OTOGL: variants seen among roughly 807,000 people sequenced by gnomAD.
OTOGL encodes otogelin-like protein.
Under a neutral mutation model 318.5 loss-of-function variants are expected in OTOGL, and 285 were observed. The ratio of observed to expected loss-of-function variants is 0.89; its 90% CI spans 0.81 to 0.99. The LOEUF (loss-of-function observed/expected upper bound fraction) is 0.99. Ranked by LOEUF, OTOGL falls within the 50% of genes least tolerant of loss-of-function variation. The pLI is 0.00. For missense variants in OTOGL, 2,899 were observed against 2,845.6 expected (o/e 1.02, Z -0.43); for synonymous variants, 987 against 936.5 (o/e 1.05, Z -0.99).
At position 80,328,762 on chromosome 12, in the gene OTOGL, T is replaced by C. The variant is rs1298453660; in HGVS notation, c.4279+18T>C. The C allele has an allele frequency of 9.0e-6, 14 of 1,563,734 alleles. No individual in the cohort carries two copies. Among genetic ancestry groups the C allele is most frequent in the African/African-American group, 1.4e-5 (1 of 73,664 alleles). ...ACGAGACTGTAAGTGTGAACGTTGC[T>C]TAATTTACTCTGAAAAATTATACGC... On this transcript the variant is annotated intron_variant, in intron 36 of 58. Coordinates refer to ENST00000547103, the MANE Select transcript of OTOGL (RefSeq NM_001378609.3).
intron 1 of OTOGL, among the ~76,000 whole-genome samples, chr12:80,165,569 A>C (rs867844433): frequency 6.6e-6 from 1 of 152,216 alleles, no homozygotes. Flanking sequence ...AAAAGGATCA[A>C]CTGAGCTCTG....
chr12:80,263,428 A>G (rs999325634), intron 19 of OTOGL, among the ~76,000 whole-genome samples: 22 of 152,044 alleles, frequency 1.4e-4, no homozygotes, highest in African/African-American at 5.1e-4. Flanking sequence ...TACCTCCTTT[A>G]TTATATGCTA....
chr12:80,307,447 C>T (rs1258641230), intron 29 of OTOGL, among the ~76,000 whole-genome samples: 3 of 147,722 alleles, frequency 2.0e-5, no homozygotes, highest in African/African-American at 5.1e-5. Context: ...CTGACCCCCC[C>T]CACCTCCCTC....
At chr12:80,238,619 G>A (rs955256617) in intron 9 of OTOGL, among the ~76,000 whole-genome samples, 1 of 152,094 alleles carries the variant, frequency 6.6e-6, no homozygotes, top group Admixed American at 6.6e-5. Context: ...TTTGAATGCA[G>A]TTTGCTTTTT....
rs563059576 is a variant in OTOGL, at chr12:80,323,618, G to A, written c.4082-105G>A. ...GAATCGAAATAGTGCCACTGCGCTCGAGCCTGAGTGACAGAGCGAGACTGT... is the reference window on the plus strand; with the variant it reads ...GAATCGAAATAGTGCCACTGCGCTCAAGCCTGAGTGACAGAGCGAGACTGT... On this transcript the variant is annotated intron_variant, in intron 34 of 58. Coordinates refer to ENST00000547103, the MANE Select transcript of OTOGL (RefSeq NM_001378609.3). 309 of 858,932 alleles carry A rather than the reference G, an allele frequency of 3.6e-4. 3 individuals are homozygous for A. The South Asian group carries it at 4.6e-3, about 13-fold the overall frequency. The allele number at this position is 858,932 out of a possible 1,614,324, so 53.2% of individuals were successfully genotyped here.
intron 5 of OTOGL, 104 bp from the exon 6 acceptor site, chr12:80,219,709 TA>T: frequency 1.3e-6 from 1 of 751,070 alleles, no homozygotes; most frequent in South Asian, 1.6e-5. Flanking sequence ...GAGTTCTGTT[TA>T]AGTTAATAGT....
At chr12:80,266,652 T>C in intron 21 of OTOGL, 36 bp downstream of exon 21, 1 of 1,577,832 alleles carries the variant, frequency 6.3e-7, no homozygotes, top group Non-Finnish European at 8.7e-7. Context: ...CATCCTGTTT[T>C]AATCTCTTTT....
chr12:80,232,169 T>A (rs2137401321), intron 8 of OTOGL, among the ~76,000 whole-genome samples: 1 of 152,316 alleles, frequency 6.6e-6, no homozygotes, highest in South Asian at 2.1e-4. Context: ...ATCAGGAGCT[T>A]AAATATTTTA....
chr12:80,130,490 G>C (rs1290507536), intron 1 of OTOGL, among the ~76,000 whole-genome samples: 2 of 152,222 alleles, frequency 1.3e-5, no homozygotes, highest in Non-Finnish European at 1.5e-5. Context: ...AAACCAGAAA[G>C]AGCAGGCCAG....
At chr12:80,285,538 G>T (rs538362820) in intron 26 of OTOGL, among the ~76,000 whole-genome samples, 49 of 152,088 alleles carry the variant, frequency 3.2e-4, no homozygotes, top group Non-Finnish European at 1.8e-4. Flanking sequence ...ATTTGCTTGT[G>T]TCCTCTCTTA....
chr12:80,127,860 G>A (rs139798902), intron 1 of OTOGL, among the ~76,000 whole-genome samples: 63 of 152,244 alleles, frequency 4.1e-4, no homozygotes, highest in African/African-American at 1.4e-3. Context: ...CATGCATCAC[G>A]TAGTTCTCGT....
Position 80,341,838 on chromosome 12 carries a change from C to T in OTOGL, c.5051-110C>T, listed in dbSNP as rs539873637. ...GTTCAAGGATACATAAACTTGGTAC[C>T]TTATATGGTAAATCATTTGTTCATT... On this transcript the variant is annotated intron_variant, in intron 43 of 58. Coordinates refer to ENST00000547103, the MANE Select transcript of OTOGL (RefSeq NM_001378609.3). 273 of 747,818 alleles carry T rather than the reference C, an allele frequency of 3.7e-4. No homozygotes were observed. The South Asian group carries it at 5.1e-3, about 14-fold the overall frequency. The allele number at this position is 747,818 out of a possible 1,614,324, so 46.3% of individuals were successfully genotyped here.
At chr12:80,125,337 C>T (rs531983387) in intron 1 of OTOGL, among the ~76,000 whole-genome samples, 9 of 152,232 alleles carry the variant, frequency 5.9e-5, no homozygotes, top group African/African-American at 9.6e-5. Flanking sequence ...TGCTGGATTA[C>T]GTTTATTGAT....
chr12:80,363,380 C>A (rs2138058805), intron 52 of OTOGL, among the ~76,000 whole-genome samples: 1 of 152,154 alleles, frequency 6.6e-6, no homozygotes, highest in East Asian at 1.9e-4. Context: ...AGGATATGAG[C>A]ACTAAAACAT....
In OTOGL at chr12:80,108,872, GTATATATGTGTA is replaced by G. The variant is rs1387522915; in HGVS notation, c.-20+9311_-20+9322del. Reference sequence around the variant, plus strand: ...TGTATATATATGTGTATATATATGTGTATATATGTGTATATATATGTGTATATATATGTGTAT... The same window carrying G: ...TGTATATATATGTGTATATATATGTGTATATATGTGTATATATATGTGTAT... On this transcript the variant is annotated intron_variant, in intron 1 of 58. Coordinates refer to ENST00000547103, the MANE Select transcript of OTOGL (RefSeq NM_001378609.3). Among the ~76,000 whole-genome samples, 449 of 135,162 alleles carry G rather than the reference GTATATATGTGTA, an allele frequency of 3.3e-3. 2 individuals are homozygous for G. Among genetic ancestry groups the G allele is most frequent in the East Asian group, 0.018 (86 of 4,838 alleles). The allele number at this position is 135,162 out of a possible 152,430, so 88.7% of individuals were successfully genotyped here. A position where few individuals can be genotyped will look rare whatever the true frequency, so the allele number is the denominator to read the frequency against.
intron 26 of OTOGL, among the ~76,000 whole-genome samples, chr12:80,284,236 CGATGGTGTAT>C (rs1203334976): frequency 6.6e-6 from 1 of 152,070 alleles, no homozygotes; most frequent in Admixed American, 6.6e-5. Context: ...ACATAGTATC[CGATGGTGTAT>C]ATGTGCCACA....
chr12:80,368,151 T>A, intron 54 of OTOGL, 54 bp from the exon 55 acceptor site: 2 of 1,276,234 alleles, frequency 1.6e-6, no homozygotes, highest in Non-Finnish European at 2.2e-6. Context: ...TCTCCAGAAG[T>A]AATTCATTAA....
At chr12:80,198,510 G>A (rs1243180743) in intron 1 of OTOGL, among the ~76,000 whole-genome samples, 2 of 152,256 alleles carry the variant, frequency 1.3e-5, no homozygotes, top group African/African-American at 2.4e-5. Flanking sequence ...CTTGAACCCA[G>A]GAATTGGAGG....
At chr12:80,228,558 C>A (rs1374901950) in intron 7 of OTOGL, among the ~76,000 whole-genome samples, 1 of 152,118 alleles carries the variant, frequency 6.6e-6, no homozygotes, top group Non-Finnish European at 1.5e-5. Flanking sequence ...TTAGAAAGTT[C>A]TTTTCCACCT....
Sources: gnomAD v4.1 joint callset for allele counts (sites outside exome capture counted in the v4.1 genomes callset) on GRCh38, gnomAD v4.1.1 for gene constraint, MANE v1.5 for transcripts, NCBI Gene and HGNC (gene_info 2026-07-23, HGNC 2026-07-21) for gene names.